Variants in PLEKHA1 observed in about 807,000 individuals in gnomAD.
The protein encoded by PLEKHA1 is pleckstrin homology domain containing A1.
Under a neutral mutation model 52.0 loss-of-function variants are expected in PLEKHA1, and 34 were observed. The ratio of observed to expected loss-of-function variants is 0.65; its 90% CI spans 0.50 to 0.87. The LOEUF (loss-of-function observed/expected upper bound fraction) is 0.87, where lower values mean the gene tolerates loss of function less well. Among genes scored for constraint, PLEKHA1 ranks in the 40% least tolerant of loss-of-function variants. PLEKHA1 has a pLI of 0.00. For missense variants in PLEKHA1, 497 were observed against 504.2 expected (o/e 0.99, Z 0.14); for synonymous variants, 163 against 170.7 (o/e 0.95, Z 0.35).
intron 1 of PLEKHA1, among the ~76,000 whole-genome samples, chr10:122,389,863 A>G (rs1413777926): frequency 6.6e-6 from 1 of 151,232 alleles, no homozygotes; most frequent in Admixed American, 6.6e-5. Context: ...AGTGACTTCA[A>G]CTTAAAGTCA....
intron 8 of PLEKHA1, chr10:122,423,393 C>G (rs2097290102): frequency 7.0e-6 from 1 of 142,682 alleles, no homozygotes; most frequent in African/African-American, 2.6e-5. Flanking sequence ...CCATTGCACT[C>G]TAGCCTGGGC....
Position 122,393,651 on chromosome 10 carries a change from G to A in PLEKHA1, c.141+310G>A, listed in dbSNP as rs2096805561. On this transcript the variant is annotated intron_variant, in intron 2 of 11. Transcript: ENST00000368990. The surrounding 1 kb of genome is among the most constrained non-coding windows in gnomAD (Gnocchi z 4.5). ...TGAGTCACAGAAAAAAATAACAATT[G>A]AAGCTGTCCCAAAAATAAGAAATAC... Among the ~76,000 whole-genome samples the A allele has an allele frequency of 6.6e-6, 1 of 152,104 alleles. No homozygotes were observed. Among genetic ancestry groups the A allele is most frequent in the Non-Finnish European group, 1.5e-5 (1 of 68,012 alleles).
At chr10:122,416,170 C>G (rs532198953) in intron 7 of PLEKHA1, among the ~76,000 whole-genome samples, 168 bp downstream of exon 7, 2 of 152,314 alleles carry the variant, frequency 1.3e-5, no homozygotes, top group South Asian at 4.2e-4. Flanking sequence ...GTTTATAATT[C>G]AATGCTGTTA....
At position 122,383,236 on chromosome 10, in the gene PLEKHA1, T is replaced by G. The variant is rs370215819; in HGVS notation, c.-21+8430T>G. On this transcript the variant is annotated intron_variant, in intron 1 of 11. Transcript: ENST00000368990. Reference sequence around the variant, plus strand: ...ACCAGTGCCTCCGTTTATTCCCTTCTCTAAAAATTATTTTGAAACAAATCC... The same window carrying G: ...ACCAGTGCCTCCGTTTATTCCCTTCGCTAAAAATTATTTTGAAACAAATCC... 2.6e-5 allele frequency among the ~76,000 whole-genome samples: 4 copies of G among 152,024 alleles called. No homozygotes were observed. In the East Asian group the frequency reaches 7.7e-4, roughly 29 times the overall value.
rs114002585 is a variant in PLEKHA1, at chr10:122,375,977, G to A, written c.-21+1171G>A. ...ATGACTGGAACAAATAGTGCACTATGAGGTTTACACCATTGTCTTTCATCT... is the reference window on the plus strand; with the variant it reads ...ATGACTGGAACAAATAGTGCACTATAAGGTTTACACCATTGTCTTTCATCT... On this transcript the variant is annotated intron_variant, in intron 1 of 11. Coordinates refer to ENST00000368990, the MANE Select transcript of PLEKHA1 (RefSeq NM_001001974.4). Among the ~76,000 whole-genome samples, 1,161 of 152,248 alleles carry A rather than the reference G, an allele frequency of 7.6e-3. 13 individuals carry two copies. Among genetic ancestry groups the A allele is most frequent in the African/African-American group, 0.027 (1,108 of 41,528 alleles).
At chr10:122,387,046 A>T (rs2096709762) in intron 1 of PLEKHA1, 1 of 152,102 alleles carries the variant, frequency 6.6e-6, no homozygotes, top group Non-Finnish European at 1.5e-5. Context: ...ACTTCCTAAT[A>T]TTGGTGATTT....
intron 5 of PLEKHA1, chr10:122,412,194 C>T (rs1206422739): frequency 1.3e-5 from 2 of 152,212 alleles, no homozygotes; most frequent in Non-Finnish European, 2.9e-5. Context: ...GCTGTTACCA[C>T]AGTCATTGTT....
At chr10:122,377,998 G>A (rs2096561779) in intron 1 of PLEKHA1, among the ~76,000 whole-genome samples, 1 of 152,168 alleles carries the variant, frequency 6.6e-6, no homozygotes, top group African/African-American at 2.4e-5. Flanking sequence ...CTCTTACCAG[G>A]CTTGTCAGTC....
At chr10:122,428,235 G>C (rs940435269) in intron 11 of PLEKHA1, 40 of 1,488,698 alleles carry the variant, frequency 2.7e-5, no homozygotes, top group Non-Finnish European at 2.8e-5. Context: ...CCTCTACCCA[G>C]TATAGGTTAA....
intron 1 of PLEKHA1, among the ~76,000 whole-genome samples, chr10:122,385,721 T>C (rs2096683753): frequency 6.6e-6 from 1 of 152,254 alleles, no homozygotes; most frequent in South Asian, 2.1e-4. Context: ...CCATCTCTAC[T>C]GATTTGTTCT....
chr10:122,388,853 A>G (rs889117686), intron 1 of PLEKHA1, among the ~76,000 whole-genome samples: 1 of 151,422 alleles, frequency 6.6e-6, no homozygotes, highest in Admixed American at 6.6e-5. Flanking sequence ...TTGTTTGCTC[A>G]TCCATAGAAG....
downstream of PLEKHA1, chr10:122,435,020 T>C (rs990360606): frequency 2.0e-5 from 3 of 152,112 alleles, no homozygotes; most frequent in East Asian, 5.8e-4. Flanking sequence ...AAACCCAAAA[T>C]AAGAAGGGAA....
At chr10:122,420,786 A>G (rs1355673278) in intron 8 of PLEKHA1, 2 of 152,228 alleles carry the variant, frequency 1.3e-5, no homozygotes, top group African/African-American at 4.8e-5. Flanking sequence ...AAGAGGAACC[A>G]GTGTAGCTTT....
chr10:122,415,109 T>C (rs1026603481), intron 6 of PLEKHA1, among the ~76,000 whole-genome samples: 3 of 152,008 alleles, frequency 2.0e-5, no homozygotes, highest in African/African-American at 7.3e-5. Flanking sequence ...ATCCATACCA[T>C]GGAAATATAG....
At chr10:122,438,696 C>T in the PLEKHA1 span, 2 of 152,214 alleles carry the variant, frequency 1.3e-5, no homozygotes, top group East Asian at 3.9e-4. Context: ...GCATGAATGA[C>T]AGTGTTCAAT....
chr10:122,387,399 A>G (rs1317554406), intron 1 of PLEKHA1: 2 of 152,132 alleles, frequency 1.3e-5, no homozygotes, highest in African/African-American at 4.8e-5. Context: ...TCTTTTACCC[A>G]TATTTTATTT....
At chr10:122,419,827 C>T (rs374558743) in intron 8 of PLEKHA1, 3 of 152,188 alleles carry the variant, frequency 2.0e-5, no homozygotes, top group Non-Finnish European at 4.4e-5. Context: ...TTCTTCCTCT[C>T]AAATTTCACA....
chr10:122,407,754 TTTTG>T (rs1202996174), intron 5 of PLEKHA1, among the ~76,000 whole-genome samples: 1 of 151,984 alleles, frequency 6.6e-6, no homozygotes, highest in Non-Finnish European at 1.5e-5. Flanking sequence ...TCAATTGCGT[TTTTG>T]TTTTTGTTTT....
chr10:122,436,993 C>CTTTTTTTTTTTTTTTTTTTTTTTTCTTT, downstream of PLEKHA1: 1 of 84,856 alleles, frequency 1.2e-5, no homozygotes, highest in Non-Finnish European at 2.1e-5. Flanking sequence ...TTACATCAGC[C>CTTTTTTTTTTTTTTTTTTTTTTTTCTTT]TTTTTTTTTT....
Sources: gnomAD v4.1 joint callset for allele counts (sites outside exome capture counted in the v4.1 genomes callset) on GRCh38, gnomAD v4.1.1 for gene constraint, Gnocchi (gnomAD v3.1) non-coding constraint, MANE v1.5 for transcripts, NCBI Gene and HGNC (gene_info 2026-07-23, HGNC 2026-07-21) for gene names.